Variants in ROBO2 observed in about 807,000 individuals in gnomAD.
ROBO2 encodes the protein roundabout homolog 2.
ROBO2 carries 53 observed loss-of-function variants against 160.8 expected under a neutral mutation model. The observed-to-expected ratio is 0.33, with a 90% confidence interval of 0.26 to 0.41. The LOEUF is 0.41. Ranked by LOEUF, ROBO2 falls within the 10% of genes least tolerant of loss-of-function variation. ROBO2 has a pLI of 1.00. For synonymous variants in ROBO2, 664 were observed against 611.7 expected (o/e 1.09, Z -1.26); for missense variants, 1,577 against 1,722.4 (o/e 0.92, Z 1.49).
At chr3:76,911,912 T>A (rs532847313) in intron 2 of ROBO2, among the ~76,000 whole-genome samples, 1 of 152,182 alleles carries the variant, frequency 6.6e-6, no homozygotes, top group South Asian at 2.1e-4. Context: ...AGGGTTGCAG[T>A]GAGCTGTAAT....
intron 2 of ROBO2, among the ~76,000 whole-genome samples, chr3:77,146,090 C>A (rs761895612): frequency 2.0e-5 from 3 of 152,118 alleles, no homozygotes; most frequent in Non-Finnish European, 4.4e-5. Context: ...TGTCATGAAG[C>A]CAGAGAAATC....
At chr3:77,505,745 T>C (rs2088412828) in intron 5 of ROBO2, among the ~76,000 whole-genome samples, 1 of 152,150 alleles carries the variant, frequency 6.6e-6, no homozygotes, top group South Asian at 2.1e-4. Context: ...TCTTCTCAAT[T>C]TTCTTATGAA....
intron 2 of ROBO2, among the ~76,000 whole-genome samples, chr3:77,164,549 C>T (rs1434036632): frequency 1.4e-3 from 125 of 86,552 alleles, no homozygotes; most frequent in Middle Eastern, 8.3e-3. Context: ...GGGTCAGACC[C>T]CCGCCCGGCC....
At chr3:76,250,815 T>C (rs1705945741) in intron 2 of ROBO2, among the ~76,000 whole-genome samples, 2 of 152,098 alleles carry the variant, frequency 1.3e-5, no homozygotes, top group Admixed American at 6.6e-5. Context: ...TTGTTTTCAT[T>C]CTTTTCAGCA....
At chr3:76,793,259 T>G (rs761396653) in intron 2 of ROBO2, among the ~76,000 whole-genome samples, 14 of 151,854 alleles carry the variant, frequency 9.2e-5, no homozygotes, top group Non-Finnish European at 1.6e-4. Flanking sequence ...CAAATATCTA[T>G]TATTAATATT....
chr3:77,384,625 C>G (rs2073907699), intron 2 of ROBO2, among the ~76,000 whole-genome samples: 1 of 152,148 alleles, frequency 6.6e-6, no homozygotes, highest in South Asian at 2.1e-4. Context: ...CTACCCAGTA[C>G]TTTGCCTGAA....
intron 2 of ROBO2, among the ~76,000 whole-genome samples, chr3:77,295,142 G>A (rs2061903482): frequency 6.7e-6 from 1 of 150,286 alleles, no homozygotes; most frequent in Non-Finnish European, 1.5e-5. Flanking sequence ...CAGATATAAA[G>A]TAAAATTGAC....
chr3:76,497,272 C>T (rs1189869650), intron 2 of ROBO2, among the ~76,000 whole-genome samples: 1 of 152,084 alleles, frequency 6.6e-6, no homozygotes, highest in East Asian at 1.9e-4. Flanking sequence ...CTTGGCTCAC[C>T]ACAGCCTCAA....
At position 76,246,039 on chromosome 3, in the gene ROBO2, A is replaced by G. The variant is rs371991077; in HGVS notation, c.109+308437A>G. Among the ~76,000 whole-genome samples, 16 of 152,280 alleles carry G rather than the reference A, an allele frequency of 1.1e-4. No homozygotes were observed. The East Asian group carries it at 1.7e-3, about 17-fold the overall frequency. ...TTTTTGTTTTCCATGTGTGTTATGT[A>G]TTACTCATTATATGTTAGCAACATG... On this transcript the variant is annotated intron_variant, in intron 2 of 26. Transcript: ENST00000487694.
intron 2 of ROBO2, among the ~76,000 whole-genome samples, chr3:75,996,363 C>T (rs1203781548): frequency 6.6e-6 from 1 of 152,174 alleles, no homozygotes; most frequent in Non-Finnish European, 1.5e-5. Context: ...CGTTTCCCCT[C>T]CTGGCACTCA....
At chr3:76,189,655 C>T (rs1433897518) in intron 2 of ROBO2, among the ~76,000 whole-genome samples, 1 of 151,884 alleles carries the variant, frequency 6.6e-6, no homozygotes, top group East Asian at 1.9e-4. Flanking sequence ...AATTTTATGC[C>T]CAACTTAAAA....
chr3:76,960,690 G>T (rs2079585016), intron 2 of ROBO2, among the ~76,000 whole-genome samples: 1 of 151,992 alleles, frequency 6.6e-6, no homozygotes, highest in South Asian at 2.1e-4. Flanking sequence ...AGCTCTCTAA[G>T]ATGTAAAAGT....
intron 2 of ROBO2, among the ~76,000 whole-genome samples, chr3:76,716,809 T>G (rs2093387028): frequency 6.6e-6 from 1 of 152,198 alleles, no homozygotes; most frequent in African/African-American, 2.4e-5. Context: ...TTTGAGTGCT[T>G]CATGGGATGG....
intron 2 of ROBO2, among the ~76,000 whole-genome samples, chr3:77,416,716 CAAAAAAAAAAAA>C (rs61204363): frequency 1.1e-5 from 1 of 90,050 alleles, no homozygotes; most frequent in Non-Finnish European, 2.2e-5. Flanking sequence ...GATTCCATCT[CAAAAAAAAAAAA>C]AAAAAAAAAG....
intron 2 of ROBO2, among the ~76,000 whole-genome samples, chr3:76,065,394 GA>G: frequency 6.6e-6 from 1 of 152,100 alleles, no homozygotes; most frequent in Non-Finnish European, 1.5e-5. Context: ...CTGTGTATAT[GA>G]TTCAAAAATC....
intron 1 of ROBO2, among the ~76,000 whole-genome samples, chr3:75,913,112 T>C (rs894608363): frequency 6.6e-6 from 1 of 152,192 alleles, no homozygotes; most frequent in Non-Finnish European, 1.5e-5. Context: ...TTTCTGCTTC[T>C]GGTGGCACCT....
intron 2 of ROBO2, among the ~76,000 whole-genome samples, chr3:76,933,812 C>A (rs1336446577): frequency 6.6e-6 from 1 of 152,146 alleles, no homozygotes; most frequent in African/African-American, 2.4e-5. Context: ...TGAACTGTTA[C>A]AATTATAGTG....
chr3:77,342,049 G>A (rs2067120670), intron 2 of ROBO2, among the ~76,000 whole-genome samples: 1 of 152,056 alleles, frequency 6.6e-6, no homozygotes. Context: ...GGGAAATAAA[G>A]CTTCCGTGCG....
chr3:76,087,868 G>T (rs2069077164), intron 2 of ROBO2, among the ~76,000 whole-genome samples: 1 of 151,970 alleles, frequency 6.6e-6, no homozygotes, highest in Non-Finnish European at 1.5e-5. Flanking sequence ...ATTGCAACCT[G>T]TAGGGCAATC....
Sources: gnomAD v4.1 joint callset for allele counts (sites outside exome capture counted in the v4.1 genomes callset) on GRCh38, gnomAD v4.1.1 for gene constraint, MANE v1.5 for transcripts, NCBI Gene and HGNC (gene_info 2026-07-23, HGNC 2026-07-21) for gene names.